TSPAN15: variants seen among roughly 807,000 people sequenced by gnomAD.
The protein encoded by TSPAN15 is tetraspanin 15, also known as tetraspanin-15.
Under a neutral mutation model 34.5 loss-of-function variants are expected in TSPAN15, and 20 were observed. The observed-to-expected ratio is 0.58, with a 90% CI of 0.41 to 0.84. TSPAN15 has a LOEUF of 0.84. Among genes scored for constraint, TSPAN15 ranks in the 40% least tolerant of loss-of-function variants. The probability of loss-of-function intolerance (pLI) is 0.00; values close to 1 mark genes in which losing one functional copy is unlikely to be tolerated. For synonymous variants in TSPAN15, 155 were observed against 153.9 expected (o/e 1.01, Z -0.05); for missense variants, 313 against 386.1 (o/e 0.81, Z 1.59).
the TSPAN15 span, among the ~76,000 whole-genome samples, chr10:69,531,839 A>G: frequency 1.2e-4 from 18 of 152,164 alleles, no homozygotes; most frequent in Admixed American, 6.5e-5. Context: ...CAAAACTGGC[A>G]TACAAGGGAC....
the TSPAN15 span, among the ~76,000 whole-genome samples, chr10:69,525,575 C>T: frequency 6.8e-6 from 1 of 146,742 alleles, no homozygotes; most frequent in South Asian, 2.2e-4. Flanking sequence ...AATCCCAGCA[C>T]TTTGGGAGGC....
rs1842341845 is a variant in TSPAN15, at chr10:69,506,948, C to T, written c.855C>T (p.Gly285=). 6.2e-7 allele frequency: 1 copy of T among 1,609,670 alleles called. No individual in the cohort carries two copies. Among genetic ancestry groups the T allele is most frequent in the African/African-American group, 1.3e-5 (1 of 74,896 alleles). Residue 285 remains glycine, a synonymous_variant, in exon 8 of 8, where the codon GGC becomes GGT. Transcript: ENST00000373290. This position sits in a 1 kb window ranked among gnomAD's most constrained non-coding sequence, Gnocchi z 4.7. The part of the protein sequence containing the change: ...PGAKPSVEAA[G]TGCCLCYPN ...CCAAGCCCAGCGTGGAGGCGGCAGG[C>T]ACGGGATGCTGCTTGTGCTACCCCA...
At chr10:69,484,518 A>C (rs569569170) in intron 2 of TSPAN15, among the ~76,000 whole-genome samples, 2 of 152,316 alleles carry the variant, frequency 1.3e-5, no homozygotes, top group South Asian at 2.1e-4. Context: ...AGGCAGATCC[A>C]TTCACTCTGC....
At chr10:69,485,079 C>T (rs1841822591) in intron 2 of TSPAN15, 62 bp from the exon 3 acceptor site, 5 of 1,507,768 alleles carry the variant, frequency 3.3e-6, no homozygotes, top group Non-Finnish European at 4.6e-6. Context: ...ATGGTGCCTC[C>T]CCTGTACCCC....
At chr10:69,503,795 G>C (rs1279706828) in intron 5 of TSPAN15, among the ~76,000 whole-genome samples, 4 of 152,236 alleles carry the variant, frequency 2.6e-5, no homozygotes, top group Non-Finnish European at 5.9e-5. Flanking sequence ...GGAAGTGCCC[G>C]CGGCAGCCTG....
At chr10:69,490,661 C>G (rs1460193762) in intron 3 of TSPAN15, among the ~76,000 whole-genome samples, 2 of 152,202 alleles carry the variant, frequency 1.3e-5, no homozygotes, top group Non-Finnish European at 2.9e-5. Context: ...GCAGAGGCTG[C>G]AGTGAGCCAT....
intron 1 of TSPAN15, among the ~76,000 whole-genome samples, chr10:69,460,122 C>T (rs538277225): frequency 1.6e-4 from 24 of 152,128 alleles, no homozygotes; most frequent in African/African-American, 5.3e-4. Flanking sequence ...TGGGGGTACT[C>T]AGCCTGCCTA....
chr10:69,516,659 C>T, the TSPAN15 span, among the ~76,000 whole-genome samples: 53 of 152,288 alleles, frequency 3.5e-4, no homozygotes, highest in African/African-American at 1.2e-3. Context: ...TTAGCCCCTG[C>T]GAGGGCTCAG....
intron 1 of TSPAN15, among the ~76,000 whole-genome samples, chr10:69,455,623 TCTCCCCCCCCCGTC>T (rs1841084528): frequency 7.6e-4 from 67 of 87,874 alleles, no homozygotes; most frequent in African/African-American, 1.8e-3. Flanking sequence ...TCTCTCTCTC[TCTCCCCCCCCCGTC>T]TCTTTCTTTC....
rs1239469337 is a variant in TSPAN15, at chr10:69,483,834, T to C, written c.240T>C (p.Gly80=). 1.7e-5 allele frequency: 27 copies of C among 1,614,014 alleles called. No homozygotes were observed. Among genetic ancestry groups the C allele is most frequent in the Non-Finnish European group, 2.3e-5 (27 of 1,180,028 alleles). ...TCATGTTCATGGTCTCCTTCATTGG[T>C]GTGCTGGCGTCCCTCCGTGACAACC... The part of the protein sequence containing the change: ...GVVMFMVSFI[G]VLASLRDNLY... Residue 80 remains glycine (G), a synonymous_variant, in exon 2 of 8, where the codon GGT becomes GGC. Coordinates refer to ENST00000373290, the MANE Select transcript of TSPAN15 (RefSeq NM_012339.5).
chr10:69,544,386 G>A, the TSPAN15 span, among the ~76,000 whole-genome samples: 24 of 152,338 alleles, frequency 1.6e-4, no homozygotes, highest in South Asian at 5.0e-3. Context: ...GCTCTCTGGG[G>A]TGGAGGGTGG....
chr10:69,466,025 T>C (rs1841377340), intron 1 of TSPAN15, among the ~76,000 whole-genome samples: 1 of 152,172 alleles, frequency 6.6e-6, no homozygotes, highest in African/African-American at 2.4e-5. Flanking sequence ...GGTTGCCACC[T>C]TGTGTGGGGA....
chr10:69,503,709 A>G (rs746277773), intron 5 of TSPAN15, among the ~76,000 whole-genome samples: 7 of 152,144 alleles, frequency 4.6e-5, no homozygotes, highest in Non-Finnish European at 8.8e-5. Context: ...GGGGACGGTC[A>G]TGGGCTGGAC....
At chr10:69,490,874 C>G (rs1841953667) in intron 3 of TSPAN15, among the ~76,000 whole-genome samples, 1 of 152,214 alleles carries the variant, frequency 6.6e-6, no homozygotes, top group African/African-American at 2.4e-5. Context: ...TATTTTCCAT[C>G]CACTGTTGTT....
At chr10:69,462,124 G>A (rs1157574230) in intron 1 of TSPAN15, among the ~76,000 whole-genome samples, 1 of 149,950 alleles carries the variant, frequency 6.7e-6, no homozygotes, top group East Asian at 2.0e-4. Flanking sequence ...AGAACCACAG[G>A]CATGTGCCAC....
chr10:69,505,286 G>C (rs763853225), intron 6 of TSPAN15, among the ~76,000 whole-genome samples: 25 of 152,212 alleles, frequency 1.6e-4, no homozygotes, highest in Admixed American at 4.6e-4. Context: ...AGTTCATCAT[G>C]TAAGTGCTTA....
chr10:69,483,189 A>C (rs12241216), intron 1 of TSPAN15, among the ~76,000 whole-genome samples: 63,491 of 151,820 alleles, frequency 0.42, 13,627 homozygotes, highest in Non-Finnish European at 0.45. Context: ...AGGGTTTCAC[A>C]GTGTTAGCCA....
the TSPAN15 span, among the ~76,000 whole-genome samples, chr10:69,526,786 C>CAAAAAA: frequency 4.9e-5 from 3 of 60,990 alleles, no homozygotes; most frequent in Non-Finnish European, 8.9e-5. Context: ...GACCCTGTCT[C>CAAAAAA]AAAAAAAAAA....
At chr10:69,468,806 C>T (rs1165742067) in intron 1 of TSPAN15, among the ~76,000 whole-genome samples, 2 of 152,112 alleles carry the variant, frequency 1.3e-5, no homozygotes, top group South Asian at 2.1e-4. Flanking sequence ...ACTTTTCAGT[C>T]CTATATACAG....
Sources: gnomAD v4.1 joint callset for allele counts (sites outside exome capture counted in the v4.1 genomes callset) on GRCh38, gnomAD v4.1.1 for gene constraint, Gnocchi (gnomAD v3.1) non-coding constraint, MANE v1.5 for transcripts, NCBI Gene and HGNC (gene_info 2026-07-23, HGNC 2026-07-21) for gene names.